DAD1: variants seen among roughly 807,000 people sequenced by gnomAD.
The protein encoded by DAD1 is dolichyl-diphosphooligosaccharide--protein glycosyltransferase subunit DAD1.
DAD1 carries 4 observed loss-of-function variants against 9.0 expected under a neutral mutation model. The ratio of observed to expected loss-of-function variants is 0.44; its 90% CI spans 0.22 to 1.01. DAD1 has a LOEUF of 1.01. Ranked by LOEUF, DAD1 falls within the 50% of genes least tolerant of loss-of-function variation. DAD1 has a pLI of 0.24. For synonymous variants in DAD1, 60 were observed against 62.5 expected (o/e 0.96, Z 0.19); for missense variants, 119 against 137.3 (o/e 0.87, Z 0.67).
At chr14:22,583,859 T>C (rs1438218294) in intron 1 of DAD1, among the ~76,000 whole-genome samples, 1 of 151,932 alleles carries the variant, frequency 6.6e-6, no homozygotes, top group Admixed American at 6.6e-5. Flanking sequence ...GGTGAAAAGA[T>C]GAAGGAATTC....
rs368168879 is a variant in DAD1 at position 22,587,741 on chromosome 14, C to CTT, written c.211+1204_211+1205dup. 7.0e-3 allele frequency among the ~76,000 whole-genome samples: 978 copies of CTT among 139,098 alleles called. 11 individuals carry two copies. The highest frequency in any genetic ancestry group is 0.025 in the African/African-American group (926 of 37,558). The allele number at this position is 139,098 out of a possible 152,430, so 91.3% of individuals were successfully genotyped here. On this transcript the variant is annotated intron_variant, in intron 1 of 2. Transcript: ENST00000250498. ...TAAGCACAGCACCACTGTCACCAGA[C>CTT]TTTTTTTTTTTTTTTTTGAGGCTGA...
intron 2 of DAD1, among the ~76,000 whole-genome samples, chr14:22,570,065 C>T (rs763981948): frequency 6.6e-6 from 1 of 152,152 alleles, no homozygotes; most frequent in Non-Finnish European, 1.5e-5. Context: ...AAATGTAGGA[C>T]AGTTCCCTCT....
chr14:22,583,981 T>C (rs532216203), intron 1 of DAD1, among the ~76,000 whole-genome samples: 46 of 152,252 alleles, frequency 3.0e-4, no homozygotes, highest in African/African-American at 1.1e-3. Context: ...AAGGCGAATG[T>C]ATAAGAGAAA....
chr14:22,585,955 C>T (rs2037148909), intron 1 of DAD1, among the ~76,000 whole-genome samples: 1 of 152,166 alleles, frequency 6.6e-6, no homozygotes, highest in African/African-American at 2.4e-5. Flanking sequence ...GCCTGTAATC[C>T]CAACACTTTA....
intron 1 of DAD1, among the ~76,000 whole-genome samples, chr14:22,578,185 G>A (rs1367172934): frequency 6.6e-6 from 1 of 151,840 alleles, no homozygotes; most frequent in African/African-American, 2.4e-5. Flanking sequence ...TGGTGGAGGT[G>A]GAGGTGGAGG....
chr14:22,588,755 C>T (rs745724466), intron 1 of DAD1, among the ~76,000 whole-genome samples, 192 bp downstream of exon 1: 1 of 152,202 alleles, frequency 6.6e-6, no homozygotes, highest in Non-Finnish European at 1.5e-5. Context: ...AAGTCCAACT[C>T]CTACGGAGCC....
At chr14:22,585,596 C>A (rs756402352) in intron 1 of DAD1, among the ~76,000 whole-genome samples, 1 of 152,304 alleles carries the variant, frequency 6.6e-6, no homozygotes, top group South Asian at 2.1e-4. Flanking sequence ...AAAAAAAGAT[C>A]TCTCAATGAC....
intron 1 of DAD1, among the ~76,000 whole-genome samples, chr14:22,585,958 A>G (rs142130663): frequency 3.0e-3 from 450 of 151,468 alleles, no homozygotes; most frequent in Non-Finnish European, 5.0e-3. Context: ...TGTAATCCCA[A>G]CACTTTAGGA....
In DAD1 at chr14:22,565,126, C is replaced by G. The variant is rs14752; in HGVS notation, c.*56G>C. On this transcript the variant is annotated 3_prime_UTR_variant, in exon 3 of 3. Coordinates refer to ENST00000250498, the MANE Select transcript of DAD1 (RefSeq NM_001344.4). The stretch of plus-strand genomic sequence containing the variant: ...CTCCAGAACTCTTATCCAGGAAATT[C>G]AAAGAGTGAACCTAGAAGAAAAAAG... The G allele has an allele frequency of 0.056, 39,044 of 701,684 alleles. 2,171 individuals carry two copies. The highest frequency in any genetic ancestry group is 0.23 in the African/African-American group (12,999 of 57,190). The allele number at this position is 701,684 out of a possible 1,614,324, so 43.5% of individuals were successfully genotyped here.
At chr14:22,579,246 G>C (rs1237343746) in intron 1 of DAD1, among the ~76,000 whole-genome samples, 1 of 150,588 alleles carries the variant, frequency 6.6e-6, no homozygotes, top group African/African-American at 2.4e-5. Flanking sequence ...GGCAGTTCCA[G>C]GAATACACTC....
At chr14:22,580,776 C>T (rs2037110874) in intron 1 of DAD1, among the ~76,000 whole-genome samples, 1 of 152,130 alleles carries the variant, frequency 6.6e-6, no homozygotes, top group African/African-American at 2.4e-5. Context: ...AGGGGGTGGC[C>T]ATGCTTGGGG....
intron 2 of DAD1, among the ~76,000 whole-genome samples, chr14:22,569,773 G>A (rs1419129729): frequency 1.3e-5 from 2 of 152,182 alleles, no homozygotes; most frequent in African/African-American, 4.8e-5. Flanking sequence ...CAATAAACAA[G>A]TAAAGTCATC....
At chr14:22,588,770 G>C (rs1000204462) in intron 1 of DAD1, among the ~76,000 whole-genome samples, 177 bp downstream of exon 1, 6 of 152,178 alleles carry the variant, frequency 3.9e-5, no homozygotes, top group Non-Finnish European at 7.3e-5. Flanking sequence ...GGAGCCGTTT[G>C]GTATTAGGCA....
At chr14:22,573,664 C>T (rs868810044) in intron 2 of DAD1, among the ~76,000 whole-genome samples, 3 of 139,096 alleles carry the variant, frequency 2.2e-5, no homozygotes, top group Non-Finnish European at 4.5e-5. Context: ...GAGCCGAGAT[C>T]GCACCACTGC....
intron 1 of DAD1, among the ~76,000 whole-genome samples, chr14:22,583,005 C>CAAGA (rs1158098206): frequency 1.1e-5 from 1 of 91,726 alleles, no homozygotes; most frequent in Non-Finnish European, 2.2e-5. Context: ...GACTATGTCT[C>CAAGA]AAAAAAAAAA....
intron 2 of DAD1, among the ~76,000 whole-genome samples, chr14:22,574,168 G>C (rs1387581989): frequency 1.3e-5 from 2 of 152,298 alleles, no homozygotes; most frequent in Admixed American, 1.3e-4. Context: ...ACGGGGCCAA[G>C]AACACCGCTA....
intron 2 of DAD1, 51 bp from the exon 3 acceptor site, chr14:22,565,188 G>A (rs1594878306): frequency 4.3e-6 from 3 of 699,254 alleles, no homozygotes; most frequent in East Asian, 2.7e-5. Context: ...TAGAGACAGG[G>A]CCCCAAATCC....
chr14:22,576,609 A>G (rs2037079345), intron 1 of DAD1, among the ~76,000 whole-genome samples: 1 of 152,256 alleles, frequency 6.6e-6, no homozygotes, highest in South Asian at 2.1e-4. Context: ...CAAAGTAAAA[A>G]TAGATAAATT....
At position 22,589,140 on chromosome 14, in the gene DAD1, C is replaced by G. The variant is rs139720312; in HGVS notation, c.18G>C (p.Val6=). 2 of 1,614,106 alleles carry G rather than the reference C, an allele frequency of 1.2e-6. No homozygotes were observed. Among genetic ancestry groups the G allele is most frequent in the Admixed American group, 1.7e-5 (1 of 60,008 alleles). MSASV[V]SVISRFLEEY... ...CTTCTAAGAACCGCGAAATGACAGA[C>G]ACTACCGACGCCGACATAACTGCAC... The change falls in exon 1 of 3, where the codon GTG becomes GTC. Residue 6 remains valine, a synonymous_variant. Coordinates refer to ENST00000250498, the MANE Select transcript of DAD1 (RefSeq NM_001344.4).
Sources: allele counts gnomAD v4.1 joint callset (sites outside exome capture counted in the v4.1 genomes callset), GRCh38; gene constraint gnomAD v4.1.1; transcripts MANE v1.5; gene names NCBI Gene and HGNC (gene_info 2026-07-23, HGNC 2026-07-21).